IGF1R: variants seen among roughly 807,000 people sequenced by gnomAD.
The protein encoded by IGF1R is insulin-like growth factor 1 receptor.
Under a neutral mutation model 144.6 loss-of-function variants are expected in IGF1R, and 44 were observed. The ratio of observed to expected loss-of-function variants is 0.30; its 90% confidence interval spans 0.24 to 0.39. IGF1R has a LOEUF of 0.39. IGF1R is among the 10% of genes least tolerant of loss of function. The pLI, the probability that IGF1R is intolerant of heterozygous loss-of-function variation, is 1.00. For synonymous variants in IGF1R, 795 were observed against 722.8 expected (o/e 1.10, Z -1.60); for missense variants, 1,355 against 1,833.7 (o/e 0.74, Z 4.77).
intron 10 of IGF1R, 47 bp downstream of exon 10, chr15:98,916,923 G>A (rs2015278065): frequency 6.5e-7 from 1 of 1,548,764 alleles, no homozygotes; most frequent in East Asian, 2.2e-5. Context: ...CACTGCTCAG[G>A]CCGGTTCTGT....
intron 2 of IGF1R, among the ~76,000 whole-genome samples, chr15:98,782,632 G>A (rs774726243): frequency 2.6e-5 from 4 of 152,140 alleles, no homozygotes; most frequent in Non-Finnish European, 5.9e-5. Flanking sequence ...TGGAATGATG[G>A]ACATGATTTC....
At chr15:98,706,242 TCATA>T (rs1247400230) in intron 1 of IGF1R, among the ~76,000 whole-genome samples, 1 of 152,252 alleles carries the variant, frequency 6.6e-6, no homozygotes, top group East Asian at 1.9e-4. Context: ...TCTCGTGGTA[TCATA>T]CATGTTGGGT....
At chr15:98,682,216 A>T (rs919845876) in intron 1 of IGF1R, among the ~76,000 whole-genome samples, 2 of 151,802 alleles carry the variant, frequency 1.3e-5, no homozygotes, top group African/African-American at 4.8e-5. Flanking sequence ...TCATATTAGG[A>T]CTCTTTGGTC....
At chr15:98,850,806 G>T (rs1207893674) in intron 2 of IGF1R, among the ~76,000 whole-genome samples, 3 of 152,126 alleles carry the variant, frequency 2.0e-5, no homozygotes, top group East Asian at 3.9e-4. Flanking sequence ...TGACTTGGGG[G>T]CAGCAGAAGC....
chr15:98,857,206 C>CTTTA lies in IGF1R; in HGVS notation c.641-34099_641-34096dup, dbSNP rs748415512. On this transcript the variant is annotated intron_variant, in intron 2 of 20. Coordinates refer to ENST00000650285, the MANE Select transcript of IGF1R (RefSeq NM_000875.5). Reference sequence around the variant, plus strand: ...CACAATTAAACTGTTTTGTGTACATCTTTATTTATTTATTTATTTATTTTT... The same window carrying CTTTA: ...CACAATTAAACTGTTTTGTGTACATCTTTATTTATTTATTTATTTATTTATTTTT... Among the ~76,000 whole-genome samples, 51 of 152,148 alleles carry CTTTA rather than the reference C, an allele frequency of 3.4e-4. 1 individual carries two copies. Among genetic ancestry groups the CTTTA allele is most frequent in the South Asian group, 2.3e-3 (11 of 4,816 alleles).
At position 98,783,765 on chromosome 15, in the gene IGF1R, T is replaced by G. The variant is rs73477691; in HGVS notation, c.640+75658T>G. ...ATGCTCAAGATATGTCAACTCCTTT[T>G]ATTTTTATTAGGTGTCACTTGCTAC... is the stretch of plus-strand genomic sequence containing the variant. On this transcript the variant is annotated intron_variant, in intron 2 of 20. Transcript: ENST00000650285. Among the ~76,000 whole-genome samples, 339 of 152,276 alleles carry G rather than the reference T, an allele frequency of 2.2e-3. 2 individuals carry two copies. The highest frequency in any genetic ancestry group is 7.3e-3 in the African/African-American group (302 of 41,554).
chr15:98,837,127 G>A (rs1387881640), intron 2 of IGF1R, among the ~76,000 whole-genome samples: 1 of 152,034 alleles, frequency 6.6e-6, no homozygotes, highest in Admixed American at 6.5e-5. Flanking sequence ...GTCTTGCTCT[G>A]TTGCCCAGGC....
intron 2 of IGF1R, among the ~76,000 whole-genome samples, chr15:98,850,352 T>TGTGGCA (rs2011485662): frequency 6.6e-6 from 1 of 152,180 alleles, no homozygotes; most frequent in South Asian, 2.1e-4. Flanking sequence ...AGAAGGACCC[T>TGTGGCA]GTGGCAGAGA....
At chr15:98,806,972 G>A (rs1035357112) in intron 2 of IGF1R, among the ~76,000 whole-genome samples, 6 of 152,052 alleles carry the variant, frequency 3.9e-5, no homozygotes, top group Non-Finnish European at 8.8e-5. Context: ...ACCAACCTGG[G>A]CAACATGGTG....
chr15:98,814,011 T>C (rs185829947), intron 2 of IGF1R, among the ~76,000 whole-genome samples: 195 of 152,352 alleles, frequency 1.3e-3, no homozygotes, highest in African/African-American at 4.5e-3. Context: ...GTTTTTTACT[T>C]TCAATGCTGA....
chr15:98,866,168 A>T (rs1188196305), intron 2 of IGF1R, among the ~76,000 whole-genome samples: 1 of 152,208 alleles, frequency 6.6e-6, no homozygotes, highest in African/African-American at 2.4e-5. Flanking sequence ...CATGACTCAG[A>T]GCCCAAATCT....
chr15:98,755,214 C>A (rs940658094), intron 2 of IGF1R, among the ~76,000 whole-genome samples: 1 of 151,514 alleles, frequency 6.6e-6, no homozygotes, highest in Admixed American at 6.6e-5. Flanking sequence ...AACATTTTTA[C>A]TTTTTCTCGG....
chr15:98,668,912 T>C lies in IGF1R; in HGVS notation c.94+19237T>C, dbSNP rs533106956. 3.3e-5 allele frequency among the ~76,000 whole-genome samples: 5 copies of C among 152,344 alleles called. No individual in the cohort carries two copies. In the South Asian group the frequency reaches 8.3e-4, roughly 25 times the overall value. On this transcript the variant is annotated intron_variant, in intron 1 of 20. Coordinates refer to ENST00000650285, the MANE Select transcript of IGF1R (RefSeq NM_000875.5). Reference sequence around the variant, plus strand: ...GCTTCAGAGCCCTCAGTAGTACTTTTTCCTCTCCCAGCAAATCCAGGAGGC... The same window carrying C: ...GCTTCAGAGCCCTCAGTAGTACTTTCTCCTCTCCCAGCAAATCCAGGAGGC...
intron 2 of IGF1R, among the ~76,000 whole-genome samples, chr15:98,740,341 A>G (rs1242694859): frequency 6.6e-6 from 1 of 152,204 alleles, no homozygotes; most frequent in Admixed American, 6.5e-5. Flanking sequence ...ATTCTCTAAG[A>G]TGATAAATGG....
At chr15:98,728,457 A>G (rs2054418629) in intron 2 of IGF1R, among the ~76,000 whole-genome samples, 1 of 152,248 alleles carries the variant, frequency 6.6e-6, no homozygotes, top group African/African-American at 2.4e-5. Flanking sequence ...CCTCCCAGCA[A>G]GAGGGCCTGA....
intron 2 of IGF1R, among the ~76,000 whole-genome samples, chr15:98,722,121 G>T (rs927528425): frequency 6.6e-6 from 1 of 152,120 alleles, no homozygotes; most frequent in African/African-American, 2.4e-5. Context: ...CCCGTTTTGT[G>T]CAAGTCTCAT....
intron 15 of IGF1R, among the ~76,000 whole-genome samples, chr15:98,934,312 C>T (rs893077399): frequency 6.6e-6 from 1 of 152,072 alleles, no homozygotes; most frequent in African/African-American, 2.4e-5. Context: ...ACCATCATCA[C>T]CTCTCATATG....
At chr15:98,739,724 T>C (rs1326953668) in intron 2 of IGF1R, among the ~76,000 whole-genome samples, 2 of 152,198 alleles carry the variant, frequency 1.3e-5, no homozygotes, top group Non-Finnish European at 2.9e-5. Flanking sequence ...CCCGAGTAGC[T>C]GGAACTGCAG....
At chr15:98,741,559 A>G (rs915023342) in intron 2 of IGF1R, among the ~76,000 whole-genome samples, 1 of 152,182 alleles carries the variant, frequency 6.6e-6, no homozygotes, top group Non-Finnish European at 1.5e-5. Context: ...TAAATTGCCA[A>G]GTCTTTCCAG....
Sources: gnomAD v4.1 joint callset for allele counts (sites outside exome capture counted in the v4.1 genomes callset) on GRCh38, gnomAD v4.1.1 for gene constraint, MANE v1.5 for transcripts, NCBI Gene and HGNC (gene_info 2026-07-23, HGNC 2026-07-21) for gene names.